CSMD2: variants seen among roughly 807,000 people sequenced by gnomAD.
CSMD2 encodes CUB and Sushi multiple domains 2, also known as CUB and sushi domain-containing protein 2.
A neutral mutation model predicts 398.5 loss-of-function variants in CSMD2; 130 were observed. The observed-to-expected ratio is 0.33, with a 90% CI of 0.28 to 0.38. The LOEUF is 0.38. Ranked by LOEUF, CSMD2 falls within the 10% of genes least tolerant of loss-of-function variation. CSMD2 has a pLI of 1.00. For missense variants in CSMD2, 3,829 were observed against 4,764.9 expected (o/e 0.80, Z 5.78); for synonymous variants, 1,828 against 1,908.5 (o/e 0.96, Z 1.10).
At chr1:33,866,889 AGGTTGTTTTAGC>A (rs1640077814) in intron 5 of CSMD2, among the ~76,000 whole-genome samples, 1 of 152,272 alleles carries the variant, frequency 6.6e-6, no homozygotes. Flanking sequence ...CCTGCCTTAC[AGGTTGTTTTAGC>A]AATTAACTGA....
At chr1:33,546,932 T>A (rs1157490717) in intron 56 of CSMD2, among the ~76,000 whole-genome samples, 1 of 152,158 alleles carries the variant, frequency 6.6e-6, no homozygotes, top group African/African-American at 2.4e-5. Flanking sequence ...TTGTACATAT[T>A]TATGGGGTAG....
In CSMD2 at chr1:34,032,739, A is replaced by AC. The variant is rs538541806; in HGVS notation, c.405-34dup. On this transcript the variant is annotated intron_variant, in intron 2 of 70. Transcript: ENST00000373381. ...ACAAAGAATTGGATTAGGGAGAATG[A>AC]CCCCCTTGGGAAACTACACATCCAC... The AC allele has an allele frequency of 1.9e-4, 279 of 1,468,356 alleles. No homozygotes were observed. In the East Asian group the frequency reaches 6.4e-3, roughly 34 times the overall value. 91.0% of individuals were successfully genotyped at this position (1,468,356 alleles called of 1,614,324 possible).
intron 10 of CSMD2, among the ~76,000 whole-genome samples, chr1:33,794,933 G>T (rs1654771195): frequency 1.3e-5 from 2 of 151,602 alleles, no homozygotes; most frequent in South Asian, 4.3e-4. Flanking sequence ...GGTGAGGTAG[G>T]ATGTGAGCCT....
chr1:33,775,996 T>C (rs1569868481), intron 12 of CSMD2, among the ~76,000 whole-genome samples: 2 of 152,174 alleles, frequency 1.3e-5, no homozygotes, highest in East Asian at 1.9e-4. Flanking sequence ...AGAGGTCACA[T>C]TGATACTGCC....
At chr1:34,114,318 GT>G (rs1553319976) in intron 1 of CSMD2, among the ~76,000 whole-genome samples, 1 of 139,738 alleles carries the variant, frequency 7.2e-6, no homozygotes, top group African/African-American at 2.6e-5. Flanking sequence ...TGTTGTTGTT[GT>G]TTTTCAAATG....
chr1:33,750,156 C>T (rs2149271275), intron 13 of CSMD2, among the ~76,000 whole-genome samples: 1 of 151,902 alleles, frequency 6.6e-6, no homozygotes, highest in African/African-American at 2.4e-5. Flanking sequence ...ATTCATATTA[C>T]TAAGATGAAA....
At chr1:33,963,263 C>A (rs995783882) in intron 3 of CSMD2, among the ~76,000 whole-genome samples, 9 of 152,192 alleles carry the variant, frequency 5.9e-5, no homozygotes, top group African/African-American at 2.2e-4. Flanking sequence ...CCTTGACAGC[C>A]CATTGGAATC....
At chr1:34,165,778 C>G (rs76031137), upstream of CSMD2, 3 of 1,614,012 alleles carry the variant, frequency 1.9e-6, no homozygotes, top group East Asian at 4.5e-5. Flanking sequence ...TTTGAACTTG[C>G]CATCTAGGGC....
In CSMD2 at chr1:34,158,221, TGTGGG is replaced by T. The variant is rs1273696561; in HGVS notation, c.187+6685_187+6689del. Among the ~76,000 whole-genome samples, 41 of 152,338 alleles carry T rather than the reference TGTGGG, an allele frequency of 2.7e-4. 1 individual carries two copies. In the East Asian group the frequency reaches 7.9e-3, roughly 29 times the overall value. ...GTTGCATAGCCCACTCTTTGCTTTC[TGTGGG>T]TCCAAGGGAAAACCAAGCCCTTCTC... On this transcript the variant is annotated intron_variant, in intron 1 of 70. Coordinates refer to ENST00000373381, the MANE Select transcript of CSMD2 (RefSeq NM_001281956.2).
chr1:33,597,941 T>C (rs1327905379), intron 44 of CSMD2, among the ~76,000 whole-genome samples: 1 of 152,244 alleles, frequency 6.6e-6, no homozygotes, highest in Non-Finnish European at 1.5e-5. Context: ...TTTCAAAAAC[T>C]TAATTTTGAG....
At chr1:34,031,689 C>T (rs1474065586) in intron 3 of CSMD2, among the ~76,000 whole-genome samples, 2 of 133,074 alleles carry the variant, frequency 1.5e-5, no homozygotes, top group Admixed American at 1.8e-4. Flanking sequence ...CAGGGAGTGT[C>T]TGTTTCTGTA....
At chr1:34,087,166 C>T (rs191729517) in intron 2 of CSMD2, among the ~76,000 whole-genome samples, 1 of 152,050 alleles carries the variant, frequency 6.6e-6, no homozygotes, top group Admixed American at 6.5e-5. Context: ...AGAAGCTTTC[C>T]CTAGATACCT....
intron 25 of CSMD2, among the ~76,000 whole-genome samples, chr1:33,677,285 C>A (rs1161333980): frequency 6.6e-6 from 1 of 152,150 alleles, no homozygotes; most frequent in African/African-American, 2.4e-5. Context: ...ACAACCCCAT[C>A]AAAAAGTGGG....
chr1:33,673,093 T>C (rs1183121385), intron 25 of CSMD2, among the ~76,000 whole-genome samples: 2 of 151,954 alleles, frequency 1.3e-5, no homozygotes, highest in Admixed American at 1.3e-4. Context: ...TCACCAGCAA[T>C]GGAACAAAGC....
At chr1:33,757,733 C>T (rs368833363) in intron 13 of CSMD2, among the ~76,000 whole-genome samples, 3 of 152,222 alleles carry the variant, frequency 2.0e-5, no homozygotes, top group East Asian at 1.9e-4. Context: ...TTCCTTATCT[C>T]CATGAATGAC....
intron 1 of CSMD2, among the ~76,000 whole-genome samples, chr1:34,094,407 A>G (rs1232294492): frequency 6.6e-6 from 1 of 152,046 alleles, no homozygotes; most frequent in African/African-American, 2.4e-5. Context: ...CACACATAAC[A>G]CTATTAACTT....
At chr1:33,931,624 C>T (rs1277905557) in intron 4 of CSMD2, among the ~76,000 whole-genome samples, 1 of 152,158 alleles carries the variant, frequency 6.6e-6, no homozygotes, top group Non-Finnish European at 1.5e-5. Context: ...GATTTGACAT[C>T]CTCAGCTGGC....
rs892834076 is a variant in CSMD2, at chr1:34,089,154, G to T, written c.227C>A (p.Thr76Lys). ...CTFQLHGPNG[T>K]VESPGFPYGY... ...ATATGGGAACCCTGGGCTCTCAACTGTCCCATTGGGACCGTGCAGTTGGAA... is the reference window on the plus strand; with the variant it reads ...ATATGGGAACCCTGGGCTCTCAACTTTCCCATTGGGACCGTGCAGTTGGAA... The change falls in exon 2 of 71, where the codon ACA becomes AAA. Residue 76 changes from threonine (T) to lysine (K), a missense_variant. Physicochemically the swap from Thr to Lys is moderately conservative, Grantham distance 78 (BLOSUM62 -1). Around this residue, in one of 5 missense-constraint regions of CSMD2, gnomAD observed 184 missense variants for 217.7 expected, o/e 0.85. Coordinates refer to ENST00000373381, the MANE Select transcript of CSMD2 (RefSeq NM_001281956.2). 6.2e-7 allele frequency: 1 copy of T among 1,614,040 alleles called. No homozygotes were observed. The highest frequency in any genetic ancestry group is 8.5e-7 in the Non-Finnish European group (1 of 1,180,030).
chr1:34,159,338 C>G (rs773836455), intron 1 of CSMD2, among the ~76,000 whole-genome samples: 177 of 142,900 alleles, frequency 1.2e-3, no homozygotes, highest in Non-Finnish European at 1.7e-3. Context: ...GCCCCCCCCC[C>G]ACCCAGGAGC....
Sources: allele counts gnomAD v4.1 joint callset (sites outside exome capture counted in the v4.1 genomes callset), GRCh38; gene constraint gnomAD v4.1.1; regional missense constraint gnomAD v4.1.1; transcripts MANE v1.5; gene names NCBI Gene and HGNC (gene_info 2026-07-23, HGNC 2026-07-21).